The following ATAD1 variants were observed in gnomAD, a reference collection of about 807,000 sequenced individuals.
ATAD1 encodes the protein outer mitochondrial transmembrane helix translocase.
ATAD1 carries 18 observed loss-of-function variants against 42.7 expected under a neutral mutation model. The observed-to-expected ratio is 0.42, with a 90% CI of 0.29 to 0.63. ATAD1 has a LOEUF of 0.63. Among genes scored for constraint, ATAD1 ranks in the 20% least tolerant of loss-of-function variants. The pLI, the probability that ATAD1 is intolerant of heterozygous loss-of-function variation, is 0.19. For synonymous variants in ATAD1, 132 were observed against 143.1 expected, an observed-to-expected ratio of 0.92 and a Z score of 0.55; for missense variants, 294 against 440.4, an observed-to-expected ratio of 0.67 and a Z score of 2.98.
rs974487930 is a variant in ATAD1, at chr10:87,810,938, C to G, written c.162+3500G>C. ...AAAAACAGAATTCAGCAAATTCTCT[C>G]AAGGTAAAGGCTGGCAATCAAGCTC... On this transcript the variant is annotated intron_variant, in intron 2 of 9. Transcript: ENST00000680024. 5.3e-5 allele frequency among the ~76,000 whole-genome samples: 8 copies of G among 152,278 alleles called. 1 individual carries two copies. Among genetic ancestry groups the G allele is most frequent in the Admixed American group, 4.6e-4 (7 of 15,300 alleles).
Position 87,806,714 on chromosome 10 carries a change from G to A in ATAD1, c.162+7724C>T, listed in dbSNP as rs1856941756. Among the ~76,000 whole-genome samples the A allele has an allele frequency of 2.6e-5, 4 of 152,164 alleles. No homozygotes were observed. In the South Asian group the frequency reaches 8.3e-4, roughly 32 times the overall value. On this transcript the variant is annotated intron_variant, in intron 2 of 9. Coordinates refer to ENST00000680024, the MANE Select transcript of ATAD1 (RefSeq NM_001321967.2). ...GTGCAGACCAAAGTATGCCACTCTG[G>A]CATAATAATTATTTTGAGTTGAGGG... is the stretch of plus-strand genomic sequence containing the variant.
intron 8 of ATAD1, among the ~76,000 whole-genome samples, chr10:87,759,103 C>T (rs1167702159): frequency 1.3e-5 from 2 of 152,060 alleles, no homozygotes; most frequent in Non-Finnish European, 2.9e-5. Flanking sequence ...ATTCTCTTTC[C>T]TTTGTAGTTT....
intron 5 of ATAD1, among the ~76,000 whole-genome samples, chr10:87,782,226 T>C (rs888787848): frequency 2.6e-5 from 4 of 152,214 alleles, no homozygotes; most frequent in Admixed American, 6.5e-5. Context: ...GCAGTGGAAT[T>C]GTAGCTTTAA....
chr10:87,759,956 G>C (rs193245811), intron 8 of ATAD1, among the ~76,000 whole-genome samples: 9 of 152,180 alleles, frequency 5.9e-5, no homozygotes, highest in Non-Finnish European at 1.2e-4. Flanking sequence ...CTTTTCATTA[G>C]GCAACTCTGA....
intron 5 of ATAD1, among the ~76,000 whole-genome samples, chr10:87,777,765 A>G (rs1226499505): frequency 6.6e-6 from 1 of 152,192 alleles, no homozygotes; most frequent in African/African-American, 2.4e-5. Context: ...TGGCACAAAA[A>G]TATCTTGTAA....
intron 2 of ATAD1, among the ~76,000 whole-genome samples, chr10:87,794,099 A>G (rs2131948344): frequency 6.6e-6 from 1 of 152,274 alleles, no homozygotes; most frequent in African/African-American, 2.4e-5. Flanking sequence ...ACACGCCTGT[A>G]GTCCTAGATA....
intron 1 of ATAD1, among the ~76,000 whole-genome samples, chr10:87,825,657 G>A (rs1280804233): frequency 6.6e-6 from 1 of 150,816 alleles, no homozygotes; most frequent in East Asian, 2.0e-4. Context: ...CAGCGTCAGA[G>A]CTGTTATTCT....
intron 4 of ATAD1, among the ~76,000 whole-genome samples, chr10:87,785,089 T>C (rs534483950): frequency 2.6e-5 from 4 of 152,358 alleles, no homozygotes; most frequent in South Asian, 4.1e-4. Context: ...TGTTTTGCTG[T>C]TGCTCACAGA....
chr10:87,793,937 A>G (rs1242158629), intron 2 of ATAD1, among the ~76,000 whole-genome samples: 1 of 152,118 alleles, frequency 6.6e-6, no homozygotes, highest in African/African-American at 2.4e-5. Flanking sequence ...TAGCTTTAAA[A>G]AAAAAAAGTA....
At chr10:87,826,085 T>G (rs1395306229) in intron 1 of ATAD1, among the ~76,000 whole-genome samples, 1 of 152,188 alleles carries the variant, frequency 6.6e-6, no homozygotes. Flanking sequence ...AGCAGTTCAC[T>G]GGCAAGCTGA....
intron 2 of ATAD1, among the ~76,000 whole-genome samples, chr10:87,809,808 G>A (rs111885473): frequency 2.1e-3 from 320 of 151,866 alleles, no homozygotes; most frequent in Middle Eastern, 3.4e-3. Context: ...CACCACGCCC[G>A]GCTAATTTTG....
At chr10:87,792,076 T>A (rs774393380) in intron 3 of ATAD1, among the ~76,000 whole-genome samples, 1 of 152,342 alleles carries the variant, frequency 6.6e-6, no homozygotes, top group African/African-American at 2.4e-5. Context: ...AGAAAAGAGT[T>A]AACAAAGTAG....
chr10:87,798,927 G>T lies in ATAD1; in HGVS notation c.163-6172C>A, dbSNP rs187689289. 8.0e-4 allele frequency among the ~76,000 whole-genome samples: 121 copies of T among 152,088 alleles called. 2 individuals carry two copies. The highest frequency in any genetic ancestry group is 2.9e-4 in the Non-Finnish European group (20 of 67,978). The stretch of plus-strand genomic sequence containing the variant: ...GAATCTATAATATGTACTTCTATCA[G>T]CATGCCTAATATGTCTATGTATTTA... On this transcript the variant is annotated intron_variant, in intron 2 of 9. Transcript: ENST00000680024.
intron 4 of ATAD1, among the ~76,000 whole-genome samples, chr10:87,786,954 C>G (rs981699068): frequency 7.8e-6 from 1 of 128,286 alleles, no homozygotes; most frequent in African/African-American, 2.9e-5. Context: ...GACTCCGTCT[C>G]AAAAAAAAAA....
intron 4 of ATAD1, among the ~76,000 whole-genome samples, chr10:87,788,432 GT>G (rs1159043723): frequency 6.6e-6 from 1 of 152,102 alleles, no homozygotes; most frequent in Non-Finnish European, 1.5e-5. Flanking sequence ...CTTCAAAACT[GT>G]TATTCTTGAT....
intron 4 of ATAD1, among the ~76,000 whole-genome samples, chr10:87,785,500 G>C (rs1855782046): frequency 6.6e-6 from 1 of 150,794 alleles, no homozygotes; most frequent in Admixed American, 6.6e-5. Context: ...TCTACAGACA[G>C]CCCTAACAAA....
intron 1 of ATAD1, among the ~76,000 whole-genome samples, chr10:87,830,734 A>G (rs968932038): frequency 4.6e-5 from 7 of 152,194 alleles, no homozygotes; most frequent in Non-Finnish European, 7.4e-5. Context: ...TGTTAATTCC[A>G]TTGTCTATTA....
chr10:87,832,074 C>CTTTTTTTTT (rs531545097), intron 1 of ATAD1: 2 of 108,764 alleles, frequency 1.8e-5, no homozygotes, highest in Non-Finnish European at 1.8e-5. Context: ...ATTGTTATGG[C>CTTTTTTTTT]TTTTTTTTTT....
At chr10:87,800,343 T>C (rs1028098881) in intron 2 of ATAD1, among the ~76,000 whole-genome samples, 1 of 152,184 alleles carries the variant, frequency 6.6e-6, no homozygotes, top group Non-Finnish European at 1.5e-5. Context: ...TCTCTCCTTT[T>C]AAAGGGTGTG....
Sources: gnomAD v4.1 joint callset for allele counts (sites outside exome capture counted in the v4.1 genomes callset) on GRCh38, gnomAD v4.1.1 for gene constraint, MANE v1.5 for transcripts, NCBI Gene and HGNC (gene_info 2026-07-23, HGNC 2026-07-21) for gene names.